Variants in ASTN2 observed in about 807,000 individuals in gnomAD.
ASTN2 encodes astrotactin-2.
Under a neutral mutation model 139.8 loss-of-function variants are expected in ASTN2, and 54 were observed. The ratio of observed to expected loss-of-function variants is 0.39; its 90% CI spans 0.31 to 0.48. The LOEUF (loss-of-function observed/expected upper bound fraction) is 0.48. Among genes scored for constraint, ASTN2 ranks in the 20% least tolerant of loss-of-function variants. The pLI, the probability that ASTN2 is intolerant of heterozygous loss-of-function variation, is 0.95. For missense variants in ASTN2, 1,565 were observed against 1,725.1 expected (o/e 0.91, Z 1.64); for synonymous variants, 756 against 719.5 (o/e 1.05, Z -0.81).
intron 2 of ASTN2, among the ~76,000 whole-genome samples, chr9:117,228,207 A>C (rs2133050852): frequency 7.4e-6 from 1 of 134,794 alleles, no homozygotes; most frequent in South Asian, 2.4e-4. Context: ...ACCCATCAGA[A>C]CTTTGTATAT....
intron 1 of ASTN2, among the ~76,000 whole-genome samples, chr9:117,295,774 G>GAAGAAA (rs1186323162): frequency 6.6e-6 from 1 of 151,834 alleles, no homozygotes; most frequent in East Asian, 1.9e-4. Context: ...AGAAGAAGAA[G>GAAGAAA]TAAAGGTCGA....
chr9:117,241,312 A>T (rs1376853362), intron 2 of ASTN2, among the ~76,000 whole-genome samples: 1 of 152,170 alleles, frequency 6.6e-6, no homozygotes, highest in Non-Finnish European at 1.5e-5. Flanking sequence ...CTTCTAAAGG[A>T]TCCATCTGGT....
At chr9:117,105,639 G>A in intron 4 of ASTN2, among the ~76,000 whole-genome samples, 1 of 151,578 alleles carries the variant, frequency 6.6e-6, no homozygotes, top group Non-Finnish European at 1.5e-5. Context: ...GCAACCATAG[G>A]TAAACAGAAC....
intron 10 of ASTN2, among the ~76,000 whole-genome samples, chr9:116,879,074 T>C (rs2132366112): frequency 6.6e-6 from 1 of 152,196 alleles, no homozygotes; most frequent in South Asian, 2.1e-4. Context: ...AATGGGGCTG[T>C]GACCTCTAGA....
At chr9:116,749,616 T>C (rs183787037) in intron 13 of ASTN2, among the ~76,000 whole-genome samples, 15 of 152,238 alleles carry the variant, frequency 9.9e-5, no homozygotes, top group Admixed American at 5.9e-4. Context: ...TTCCCTACTT[T>C]TGGGGGGCAG....
At chr9:116,741,203 T>C (rs1829089366) in intron 13 of ASTN2, among the ~76,000 whole-genome samples, 1 of 152,184 alleles carries the variant, frequency 6.6e-6, no homozygotes, top group African/African-American at 2.4e-5. Flanking sequence ...GCAGCCAGCA[T>C]GCAAGAGCCA....
chr9:116,512,215 T>C (rs1004353139), intron 19 of ASTN2, among the ~76,000 whole-genome samples: 1 of 152,234 alleles, frequency 6.6e-6, no homozygotes, highest in Non-Finnish European at 1.5e-5. Context: ...TTGTTCTCGT[T>C]GATTTCAAAG....
chr9:116,826,801 C>T (rs12237386), intron 11 of ASTN2, among the ~76,000 whole-genome samples: 12,332 of 152,232 alleles, frequency 0.081, 637 homozygotes, highest in East Asian at 0.22. Flanking sequence ...CACCCCACTG[C>T]TGCCACTATC....
intron 16 of ASTN2, among the ~76,000 whole-genome samples, chr9:116,680,446 C>G (rs980114491): frequency 6.6e-6 from 1 of 152,110 alleles, no homozygotes; most frequent in Non-Finnish European, 1.5e-5. Context: ...ACCAGGGGTA[C>G]AAGGAGGAAC....
At chr9:117,322,001 A>T (rs1042230548) in intron 1 of ASTN2, among the ~76,000 whole-genome samples, 5 of 152,180 alleles carry the variant, frequency 3.3e-5, no homozygotes, top group African/African-American at 7.2e-5. Flanking sequence ...CAAATTCTTT[A>T]AAAAAGCCAT....
At chr9:117,065,577 G>C (rs1827911179) in intron 5 of ASTN2, among the ~76,000 whole-genome samples, 1 of 152,258 alleles carries the variant, frequency 6.6e-6, no homozygotes, top group South Asian at 2.1e-4. Context: ...AGTTTGCCTG[G>C]AGTGTAGACC....
chr9:117,376,956 T>C (rs1830140914), intron 1 of ASTN2, among the ~76,000 whole-genome samples: 1 of 152,070 alleles, frequency 6.6e-6, no homozygotes, highest in Non-Finnish European at 1.5e-5. Flanking sequence ...ACCACTCCCT[T>C]CTCTTGCCTA....
At chr9:116,994,826 T>A (rs1836965983) in intron 7 of ASTN2, among the ~76,000 whole-genome samples, 1 of 152,194 alleles carries the variant, frequency 6.6e-6, no homozygotes, top group South Asian at 2.1e-4. Flanking sequence ...TAGGATATAT[T>A]CATTTCACTC....
At chr9:116,779,016 A>C (rs1830152946) in intron 13 of ASTN2, among the ~76,000 whole-genome samples, 1 of 152,224 alleles carries the variant, frequency 6.6e-6, no homozygotes. Flanking sequence ...ATACAGTAAA[A>C]AGCAATTACA....
chr9:116,656,433 T>G (rs924686309), intron 16 of ASTN2, among the ~76,000 whole-genome samples: 2 of 152,192 alleles, frequency 1.3e-5, no homozygotes, highest in Non-Finnish European at 2.9e-5. Flanking sequence ...CCCTTGCCAT[T>G]AAGTGAATGG....
intron 2 of ASTN2, among the ~76,000 whole-genome samples, chr9:117,253,233 G>T (rs935673133): frequency 1.3e-5 from 2 of 152,142 alleles, no homozygotes; most frequent in Admixed American, 1.3e-4. Context: ...GGGTCCATTT[G>T]TTCAAAGGGG....
At chr9:116,872,026 G>A (rs558968709) in intron 10 of ASTN2, among the ~76,000 whole-genome samples, 12 of 151,958 alleles carry the variant, frequency 7.9e-5, no homozygotes, top group Admixed American at 3.9e-4. Flanking sequence ...GTGCAGTGGC[G>A]CGATCTTGGC....
At chr9:117,120,016 G>GTA (rs1385401943) in intron 4 of ASTN2, among the ~76,000 whole-genome samples, 10 of 33,820 alleles carry the variant, frequency 3.0e-4, no homozygotes, top group Non-Finnish European at 5.8e-4. Flanking sequence ...GTGTGTGTGT[G>GTA]TGTATATATA....
chr9:117,178,705 A>G (rs542522494), intron 3 of ASTN2, among the ~76,000 whole-genome samples: 3 of 152,370 alleles, frequency 2.0e-5, no homozygotes, highest in South Asian at 4.1e-4. Flanking sequence ...CTCAGATCCA[A>G]TTAGCAAGGG....
Sources: gnomAD v4.1 joint callset for allele counts (sites outside exome capture counted in the v4.1 genomes callset) on GRCh38, gnomAD v4.1.1 for gene constraint, MANE v1.5 for transcripts, NCBI Gene and HGNC (gene_info 2026-07-23, HGNC 2026-07-21) for gene names.